Variants in PCNX1 observed in about 807,000 individuals in gnomAD.
The protein encoded by PCNX1 is pecanex-like protein 1.
PCNX1 carries 78 observed loss-of-function variants against 242.2 expected under a neutral mutation model. The ratio of observed to expected loss-of-function variants is 0.32; its 90% CI spans 0.27 to 0.39. The LOEUF (loss-of-function observed/expected upper bound fraction) is 0.39. Among genes scored for constraint, PCNX1 ranks in the 10% least tolerant of loss-of-function variants. The probability of loss-of-function intolerance (pLI) is 1.00; values close to 1 mark genes in which losing one functional copy is unlikely to be tolerated. For synonymous variants in PCNX1, 1,024 were observed against 1,032.9 expected (o/e 0.99, Z 0.17); for missense variants, 2,581 against 2,856.5 (o/e 0.90, Z 2.20).
At position 70,977,004 on chromosome 14, in the gene PCNX1, C is replaced by G. The variant is rs772306600; in HGVS notation, c.667C>G (p.Pro223Ala). 6.2e-7 allele frequency: 1 copy of G among 1,614,098 alleles called. No homozygotes were observed. Among genetic ancestry groups the G allele is most frequent in the South Asian group, 1.1e-5 (1 of 91,082 alleles). The change falls in exon 6 of 36, where the codon CCT becomes GCT. Residue 223 changes from proline to alanine, a missense_variant. Pro to Ala is a conservative substitution (Grantham distance 27, BLOSUM62 -1). Around this residue, in one of 9 missense-constraint regions of PCNX1, gnomAD observed 1,204 missense variants for 1,216.7 expected, o/e 0.99. Transcript: ENST00000304743. ...CAATGACTCCTTCATCTCTATTCAG[C>G]CTTCCTTATCCTCTTGTGGACAGGA... ...VSNDSFISIQ[P>A]SLSSCGQDLP...
chr14:70,938,782 TATTA>T (rs2057114534), intron 1 of PCNX1, among the ~76,000 whole-genome samples: 3 of 152,316 alleles, frequency 2.0e-5, no homozygotes, highest in Middle Eastern at 3.4e-3. Context: ...GTTGGTAGGC[TATTA>T]ATTATTGCCT....
chr14:70,975,647 T>C (rs2058668583), intron 5 of PCNX1, among the ~76,000 whole-genome samples: 1 of 152,162 alleles, frequency 6.6e-6, no homozygotes, highest in Non-Finnish European at 1.5e-5. Context: ...AATTTTTCTT[T>C]TTATTGAACT....
Position 70,977,502 on chromosome 14 carries a change from A to C in PCNX1, c.1165A>C (p.Thr389Pro). The change falls in exon 6 of 36, where the codon ACG becomes CCG. Residue 389 changes from threonine to proline, a missense_variant. Thr to Pro is a conservative substitution (Grantham distance 38). Around this residue, in one of 9 missense-constraint regions of PCNX1, gnomAD observed 1,204 missense variants for 1,216.7 expected, o/e 0.99. Transcript: ENST00000304743. Reference sequence around the variant, plus strand: ...GTCAACAGAAAGCTACTGCAGTGGAACGGACCGGGACACTAACAGTACTGT... The same window carrying C: ...GTCAACAGAAAGCTACTGCAGTGGACCGGACCGGGACACTAACAGTACTGT... Reference protein sequence around the residue: ...SGSTESYCSGTDRDTNSTVSS... With the variant: ...SGSTESYCSGPDRDTNSTVSS... 6.2e-7 allele frequency: 1 copy of C among 1,614,136 alleles called. No individual in the cohort carries two copies. Among genetic ancestry groups the C allele is most frequent in the South Asian group, 1.1e-5 (1 of 91,090 alleles).
intron 28 of PCNX1, among the ~76,000 whole-genome samples, chr14:71,087,353 T>A (rs2062020126): frequency 6.6e-6 from 1 of 152,248 alleles, no homozygotes; most frequent in Admixed American, 6.5e-5. Flanking sequence ...ACAGTCGCCA[T>A]TAACTAAATT....
chr14:71,029,111 G>C (rs1398650614), intron 16 of PCNX1, among the ~76,000 whole-genome samples: 1 of 152,018 alleles, frequency 6.6e-6, no homozygotes, highest in Non-Finnish European at 1.5e-5. Flanking sequence ...TAAAATTCTA[G>C]TTAAGAATTT....
At chr14:70,967,970 G>A (rs2058430758) in intron 3 of PCNX1, among the ~76,000 whole-genome samples, 3 of 152,156 alleles carry the variant, frequency 2.0e-5, no homozygotes, top group Admixed American at 2.0e-4. Context: ...AGCATGCAGA[G>A]GGATTGGGTA....
intron 1 of PCNX1, among the ~76,000 whole-genome samples, chr14:70,917,672 T>G (rs751075013): frequency 2.0e-5 from 3 of 152,210 alleles, no homozygotes; most frequent in Non-Finnish European, 4.4e-5. Flanking sequence ...GGAATAATTC[T>G]TAAGGGCTCT....
chr14:71,017,718 A>C (rs2059996221), intron 11 of PCNX1, among the ~76,000 whole-genome samples: 1 of 152,224 alleles, frequency 6.6e-6, no homozygotes, highest in Non-Finnish European at 1.5e-5. Context: ...GGGAGGCACT[A>C]TTCAGGCAGG....
At chr14:70,969,557 A>G (rs926488252) in intron 5 of PCNX1, among the ~76,000 whole-genome samples, 2 of 152,158 alleles carry the variant, frequency 1.3e-5, no homozygotes, top group Non-Finnish European at 2.9e-5. Flanking sequence ...GTGCATTGCT[A>G]TAAAGAAATA....
chr14:70,907,829 ACGGCGG>A lies in PCNX1; in HGVS notation c.-16_-11del. Reference sequence around the variant, plus strand: ...GGGGACGGCGGCGGCGGCGGCGGCGACGGCGGCGGCGCCGGGTGGGGATGGGGTCGC... The same window carrying A: ...GGGGACGGCGGCGGCGGCGGCGGCGACGGCGCCGGGTGGGGATGGGGTCGC... On this transcript the variant is annotated 5_prime_UTR_variant, in exon 1 of 36. Transcript: ENST00000304743. The A allele has an allele frequency of 8.0e-7, 1 of 1,252,160 alleles. No homozygotes were observed. The highest frequency in any genetic ancestry group is 1.0e-6 in the Non-Finnish European group (1 of 997,590). 77.6% of individuals were successfully genotyped at this position (1,252,160 alleles called of 1,614,324 possible).
intron 1 of PCNX1, among the ~76,000 whole-genome samples, chr14:70,910,399 C>G (rs1594866915): frequency 6.6e-6 from 1 of 151,832 alleles, no homozygotes; most frequent in East Asian, 1.9e-4. Flanking sequence ...TTCTTCTGCT[C>G]TCAGGGCCTG....
At chr14:70,956,848 T>G (rs2058014699) in intron 2 of PCNX1, among the ~76,000 whole-genome samples, 2 of 152,076 alleles carry the variant, frequency 1.3e-5, no homozygotes, top group African/African-American at 4.8e-5. Context: ...GGTTTTCAGT[T>G]TTTTCAACAG....
chr14:71,017,311 A>T (rs2059985542), intron 11 of PCNX1, among the ~76,000 whole-genome samples: 1 of 152,188 alleles, frequency 6.6e-6, no homozygotes, highest in Non-Finnish European at 1.5e-5. Context: ...TGGAGAAAGG[A>T]TAGCCTTTTC....
rs2062723323 is a variant in PCNX1 at position 71,109,949 on chromosome 14, A to G, written c.*14A>G. ...GCTGAAGTGTGAGCCAGTGTTTATTATAAAGACATTTCTTTTTCCCTCTCA... is the reference window on the plus strand; with the variant it reads ...GCTGAAGTGTGAGCCAGTGTTTATTGTAAAGACATTTCTTTTTCCCTCTCA... On this transcript the variant is annotated 3_prime_UTR_variant, in exon 36 of 36. Coordinates refer to ENST00000304743, the MANE Select transcript of PCNX1 (RefSeq NM_014982.3). 6.2e-7 allele frequency: 1 copy of G among 1,611,430 alleles called. No individual in the cohort carries two copies. Among genetic ancestry groups the G allele is most frequent in the South Asian group, 1.1e-5 (1 of 91,016 alleles).
chr14:70,927,440 TATC>T (rs1412928822), intron 1 of PCNX1, among the ~76,000 whole-genome samples: 2 of 152,198 alleles, frequency 1.3e-5, no homozygotes, highest in Non-Finnish European at 2.9e-5. Flanking sequence ...CATGCAATAG[TATC>T]ATTCTGTTTC....
rs1189517054 is a variant in PCNX1, at chr14:71,013,065, C to T, written c.2859C>T (p.Ser953=). The T allele has an allele frequency of 1.2e-6, 2 of 1,613,982 alleles. No individual in the cohort carries two copies. The highest frequency in any genetic ancestry group is 2.2e-5 in the East Asian group (1 of 44,878). The change falls in exon 11 of 36, where the codon AGC becomes AGT. Residue 953 remains serine (S), a synonymous_variant. Transcript: ENST00000304743. ...DLLEQQDIDL[S]PDLAATYGPT... Reference sequence around the variant, plus strand: ...TGGAGCAACAGGACATTGATCTAAGCCCTGACTTGGCAGCTACTTACGGCC... The same window carrying T: ...TGGAGCAACAGGACATTGATCTAAGTCCTGACTTGGCAGCTACTTACGGCC...
rs71105756 is a variant in PCNX1, at chr14:70,990,401, T to TAA, written c.2444+1714_2444+1715dup. ...GGTGAAACCTCGTCTCTACTAAAAA[T>TAA]AAAAAAAAAAAAATTAGCTGGGCCT... On this transcript the variant is annotated intron_variant, in intron 7 of 35. Coordinates refer to ENST00000304743, the MANE Select transcript of PCNX1 (RefSeq NM_014982.3). Among the ~76,000 whole-genome samples, 8 of 144,808 alleles carry TAA rather than the reference T, an allele frequency of 5.5e-5. No individual in the cohort carries two copies. The South Asian group carries it at 6.6e-4, about 12-fold the overall frequency. The allele number at this position is 144,808 out of a possible 152,430, so 95.0% of individuals were successfully genotyped here. A position where few individuals can be genotyped will look rare whatever the true frequency, so the allele number is the denominator to read the frequency against.
Position 70,946,985 on chromosome 14 carries a change from A to G in PCNX1, c.224A>G (p.Lys75Arg), listed in dbSNP as rs771905623. Residue 75 changes from lysine (K) to arginine (R), a missense_variant, in exon 2 of 36, where the codon AAG becomes AGG. Around this residue, in one of 9 missense-constraint regions of PCNX1, gnomAD observed 1,204 missense variants for 1,216.7 expected, o/e 0.99. Transcript: ENST00000304743. ...PVIAAVFIVL[K>R]MVNYRLHRAL... Reference sequence around the variant, plus strand: ...ATAGCTGCTGTTTTCATTGTTCTGAAGATGGTCAACTATCGACTACACAGA... The same window carrying G: ...ATAGCTGCTGTTTTCATTGTTCTGAGGATGGTCAACTATCGACTACACAGA... 6.2e-7 allele frequency: 1 copy of G among 1,613,918 alleles called. No homozygotes were observed. Among genetic ancestry groups the G allele is most frequent in the South Asian group, 1.1e-5 (1 of 91,072 alleles).
chr14:71,050,558 TCTC>T (rs2060998636), intron 22 of PCNX1, 91 bp from the exon 23 acceptor site: 3 of 1,156,050 alleles, frequency 2.6e-6, no homozygotes, highest in Middle Eastern at 2.1e-4. Context: ...TAGGAGAACT[TCTC>T]CTAATACATT....
Sources: allele counts gnomAD v4.1 joint callset (sites outside exome capture counted in the v4.1 genomes callset), GRCh38; gene constraint gnomAD v4.1.1; regional missense constraint gnomAD v4.1.1; transcripts MANE v1.5; gene names NCBI Gene and HGNC (gene_info 2026-07-23, HGNC 2026-07-21).